Variants in PDIA5 observed in about 807,000 individuals in gnomAD.
PDIA5 encodes protein disulfide isomerase family A member 5, also known as protein disulfide-isomerase A5.
In PDIA5, 58 loss-of-function variants were observed where a neutral mutation model predicts 77.6. The ratio of observed to expected loss-of-function variants is 0.75; its 90% confidence interval spans 0.61 to 0.93. PDIA5 has a LOEUF of 0.93. PDIA5 is among the 40% of genes least tolerant of loss of function. The pLI, the probability that PDIA5 is intolerant of heterozygous loss-of-function variation, is 0.00. For synonymous variants in PDIA5, 250 were observed against 252.1 expected (o/e 0.99, Z 0.08); for missense variants, 630 against 647.7 (o/e 0.97, Z 0.30).
intron 1 of PDIA5, among the ~76,000 whole-genome samples, chr3:123,068,583 C>G (rs1933642543): frequency 6.6e-6 from 1 of 152,228 alleles, no homozygotes; most frequent in Non-Finnish European, 1.5e-5. Flanking sequence ...TCGGTCTTTG[C>G]ACTTGGGCTG....
At chr3:123,099,840 A>G (rs1217256237) in intron 3 of PDIA5, among the ~76,000 whole-genome samples, 1 of 152,246 alleles carries the variant, frequency 6.6e-6, no homozygotes, top group African/African-American at 2.4e-5. Context: ...GCTTTGTGAT[A>G]GTCACAGGCA....
intron 1 of PDIA5, among the ~76,000 whole-genome samples, chr3:123,068,954 A>T (rs941037863): frequency 2.8e-4 from 42 of 152,204 alleles, no homozygotes; most frequent in African/African-American, 1.0e-3. Context: ...GATGTGTGGT[A>T]GTTAGCTAGG....
intron 2 of PDIA5, 34 bp downstream of exon 2, chr3:123,089,328 T>A (rs1560503980): frequency 6.2e-7 from 1 of 1,608,680 alleles, no homozygotes; most frequent in African/African-American, 1.3e-5. Context: ...AGGTCAACCA[T>A]CGGGGTAGGA....
chr3:123,143,340 G>A (rs979296499), intron 11 of PDIA5, among the ~76,000 whole-genome samples: 2 of 147,480 alleles, frequency 1.4e-5, no homozygotes, highest in Non-Finnish European at 3.0e-5. Flanking sequence ...AGCTGACATC[G>A]TGTGCCACTG....
chr3:123,117,390 A>ATATATATATATATATATATG (rs1935022446), intron 8 of PDIA5, among the ~76,000 whole-genome samples: 2 of 135,678 alleles, frequency 1.5e-5, no homozygotes, highest in African/African-American at 5.5e-5. Flanking sequence ...ATATATATAT[A>ATATATATATATATATATATG]TATATATATT....
intron 10 of PDIA5, among the ~76,000 whole-genome samples, chr3:123,125,813 C>T (rs1935235184): frequency 6.6e-6 from 1 of 152,138 alleles, no homozygotes; most frequent in Non-Finnish European, 1.5e-5. Flanking sequence ...CATCTCTGTC[C>T]CCATCGGCTA....
chr3:123,136,788 A>G (rs372989288), intron 11 of PDIA5, among the ~76,000 whole-genome samples: 59 of 149,892 alleles, frequency 3.9e-4, no homozygotes, highest in African/African-American at 1.4e-3. Context: ...TAACATAAGT[A>G]GGACTACTTC....
At chr3:123,116,154 C>T in intron 7 of PDIA5, 77 bp from the exon 8 acceptor site, 2 of 1,148,766 alleles carry the variant, frequency 1.7e-6, no homozygotes, top group Non-Finnish European at 1.3e-6. Flanking sequence ...AGAGGATGGC[C>T]ATGGGGAGGC....
At chr3:123,129,453 C>T (rs1010695191) in intron 10 of PDIA5, among the ~76,000 whole-genome samples, 2 of 152,230 alleles carry the variant, frequency 1.3e-5, no homozygotes, top group African/African-American at 4.8e-5. Flanking sequence ...TCCATTGTGT[C>T]AGCCACTTCA....
At chr3:123,156,865 C>T (rs560374143) in intron 15 of PDIA5, among the ~76,000 whole-genome samples, 7 of 152,304 alleles carry the variant, frequency 4.6e-5, no homozygotes, top group South Asian at 4.1e-4. Context: ...ACTAGACCGC[C>T]GCTGAGGCTG....
At chr3:123,068,073 C>T (rs1207853735) in intron 1 of PDIA5, among the ~76,000 whole-genome samples, 1 of 152,122 alleles carries the variant, frequency 6.6e-6, no homozygotes, top group East Asian at 1.9e-4. Flanking sequence ...GTTTGGCCTT[C>T]GTTTCGCTGT....
intron 3 of PDIA5, among the ~76,000 whole-genome samples, chr3:123,098,802 A>AC (rs1462571163): frequency 6.6e-6 from 1 of 152,002 alleles, no homozygotes; most frequent in Non-Finnish European, 1.5e-5. Flanking sequence ...TTTCTCCATG[A>AC]CCCATGGTGC....
intron 8 of PDIA5, among the ~76,000 whole-genome samples, chr3:123,117,374 T>TTTTATATATATATATA (rs1553800660): frequency 1.3e-5 from 1 of 79,870 alleles, no homozygotes; most frequent in African/African-American, 4.8e-5. Context: ...TTCTATGATT[T>TTTTATATATATATATA]TATATATATA....
intron 5 of PDIA5, among the ~76,000 whole-genome samples, chr3:123,104,240 T>C (rs941253710): frequency 6.6e-6 from 1 of 151,982 alleles, no homozygotes; most frequent in Non-Finnish European, 1.5e-5. Context: ...TCAGTTTCAG[T>C]TGGAGAGAGG....
At chr3:123,089,079 C>A (rs1291582862) in intron 1 of PDIA5, 89 bp from the exon 2 acceptor site, 2 of 1,288,532 alleles carry the variant, frequency 1.6e-6, no homozygotes, top group African/African-American at 1.5e-5. Flanking sequence ...GGAAGTAAAG[C>A]AGCTCTAGGC....
At chr3:123,117,374 T>TATATATATATA (rs1935019779) in intron 8 of PDIA5, among the ~76,000 whole-genome samples, 13 of 79,872 alleles carry the variant, frequency 1.6e-4, no homozygotes, top group South Asian at 5.8e-4. Flanking sequence ...TTCTATGATT[T>TATATATATATA]TATATATATA....
chr3:123,129,687 G>C (rs946411969), intron 10 of PDIA5, among the ~76,000 whole-genome samples: 6 of 152,150 alleles, frequency 3.9e-5, no homozygotes, highest in Admixed American at 1.3e-4. Context: ...GCAAGGGAGG[G>C]CCCCTGCGAG....
intron 1 of PDIA5, among the ~76,000 whole-genome samples, chr3:123,069,357 A>G (rs1351909339): frequency 6.6e-6 from 1 of 152,210 alleles, no homozygotes. Context: ...ATTTTTTACA[A>G]TAGCAAAATG....
At chr3:123,113,971 A>G (rs1423264602) in intron 7 of PDIA5, among the ~76,000 whole-genome samples, 1 of 152,242 alleles carries the variant, frequency 6.6e-6, no homozygotes, top group African/African-American at 2.4e-5. Flanking sequence ...CAGGAAGCAC[A>G]GGGCCAGCCC....
Sources: gnomAD v4.1 joint callset for allele counts (sites outside exome capture counted in the v4.1 genomes callset) on GRCh38, gnomAD v4.1.1 for gene constraint, MANE v1.5 for transcripts, NCBI Gene and HGNC (gene_info 2026-07-23, HGNC 2026-07-21) for gene names.